Variants in NTM observed in about 807,000 individuals in gnomAD.
NTM encodes neurotrimin.
NTM carries 13 observed loss-of-function variants against 42.1 expected under a neutral mutation model. The observed-to-expected ratio is 0.31, with a 90% CI of 0.20 to 0.49. The LOEUF is 0.49. NTM is among the 20% of genes least tolerant of loss of function. The pLI is 0.99. For synonymous variants in NTM, 187 were observed against 179.2 expected (o/e 1.04, Z -0.35); for missense variants, 373 against 452.8 (o/e 0.82, Z 1.60).
At chr11:132,274,638 C>G (rs1243080290) in intron 4 of NTM, among the ~76,000 whole-genome samples, 1 of 152,098 alleles carries the variant, frequency 6.6e-6, no homozygotes, top group Non-Finnish European at 1.5e-5. Context: ...AACATACTTT[C>G]TATGATTTCA....
intron 1 of NTM, among the ~76,000 whole-genome samples, chr11:131,684,355 C>T (rs1404480466): frequency 6.6e-6 from 1 of 152,192 alleles, no homozygotes; most frequent in African/African-American, 2.4e-5. Context: ...CACACACCCC[C>T]TCCCCACCTG....
chr11:131,629,473 C>A (rs756651865), intron 1 of NTM, among the ~76,000 whole-genome samples: 17 of 152,158 alleles, frequency 1.1e-4, no homozygotes, highest in Non-Finnish European at 1.8e-4. Flanking sequence ...ACAGAACAGG[C>A]AGCTATATGG....
chr11:131,683,617 T>G (rs1388206489), intron 1 of NTM, among the ~76,000 whole-genome samples: 1 of 152,238 alleles, frequency 6.6e-6, no homozygotes, highest in East Asian at 1.9e-4. Flanking sequence ...GTATTCACAC[T>G]AAACCTGCCC....
At chr11:131,862,524 T>C (rs1299249043) in intron 1 of NTM, among the ~76,000 whole-genome samples, 1 of 152,250 alleles carries the variant, frequency 6.6e-6, no homozygotes, top group African/African-American at 2.4e-5. Context: ...AATTGCCTAG[T>C]TGTTATGTAT....
chr11:131,892,178 C>T (rs951402462), intron 1 of NTM, among the ~76,000 whole-genome samples: 3 of 152,136 alleles, frequency 2.0e-5, no homozygotes, highest in Admixed American at 1.3e-4. Flanking sequence ...CCTTCTCCTC[C>T]GCCTTCTTCT....
chr11:131,898,283 G>A (rs564170539), intron 1 of NTM, among the ~76,000 whole-genome samples: 30 of 152,322 alleles, frequency 2.0e-4, no homozygotes, highest in Admixed American at 7.8e-4. Flanking sequence ...AACCAGTGCT[G>A]ATGTCTGCCT....
chr11:132,111,061 CTCAAAAAAAAAAAAAAAAAAAAA>C, intron 2 of NTM, among the ~76,000 whole-genome samples: 2 of 56,272 alleles, frequency 3.6e-5, no homozygotes, highest in South Asian at 8.4e-4. Flanking sequence ...AAGGCCCTAT[CTCAAAAAAAAAAAAAAAAAAAAA>C]AAAAAAAAAA....
chr11:131,728,677 T>C (rs789549), intron 1 of NTM, among the ~76,000 whole-genome samples: 24,744 of 152,146 alleles, frequency 0.16, 2,119 homozygotes, highest in Middle Eastern at 0.22. Flanking sequence ...ATTTTTCAAA[T>C]TCGAAAAATT....
chr11:131,641,345 A>C (rs2134229077), intron 1 of NTM, among the ~76,000 whole-genome samples: 1 of 152,216 alleles, frequency 6.6e-6, no homozygotes, highest in South Asian at 2.1e-4. Flanking sequence ...AAAAGAGGGG[A>C]GTTAGACTAC....
At chr11:132,226,178 G>T (rs1412254603) in intron 4 of NTM, among the ~76,000 whole-genome samples, 1 of 152,178 alleles carries the variant, frequency 6.6e-6, no homozygotes, top group African/African-American at 2.4e-5. Context: ...ACATACAAGT[G>T]CATGTGTCTT....
At chr11:131,798,479 A>G (rs1292770359) in intron 1 of NTM, among the ~76,000 whole-genome samples, 1 of 152,230 alleles carries the variant, frequency 6.6e-6, no homozygotes, top group Admixed American at 6.5e-5. Context: ...AAGCCTGACT[A>G]CAAAGCAGAT....
intron 1 of NTM, among the ~76,000 whole-genome samples, chr11:131,562,960 G>T (rs1363218746): frequency 6.6e-6 from 1 of 152,112 alleles, no homozygotes; most frequent in African/African-American, 2.4e-5. Flanking sequence ...GCCCTCCATG[G>T]CCCCAGGGGG....
chr11:132,178,238 CT>C (rs1181046045), intron 3 of NTM, among the ~76,000 whole-genome samples: 42 of 152,058 alleles, frequency 2.8e-4, no homozygotes, highest in Non-Finnish European at 1.0e-4. Context: ...GGGCTTATTG[CT>C]TGATGAAACA....
rs530856777 is a variant in NTM, at chr11:132,015,323, G to A, written c.167+103675G>A. 7.2e-5 allele frequency among the ~76,000 whole-genome samples: 11 copies of A among 151,954 alleles called. No individual in the cohort carries two copies. In the South Asian group the frequency reaches 1.7e-3, roughly 23 times the overall value. On this transcript the variant is annotated intron_variant, in intron 2 of 8. Transcript: ENST00000683400. ...TTTAATATATTTTGAGTCCAGTAGC[G>A]TAATGCCTCTGCTTTGTTCTTTTTG... is the stretch of plus-strand genomic sequence containing the variant.
intron 1 of NTM, among the ~76,000 whole-genome samples, chr11:131,735,434 A>G (rs541064677): frequency 6.6e-6 from 1 of 152,342 alleles, no homozygotes; most frequent in South Asian, 2.1e-4. Context: ...TGCAATAGAG[A>G]AGTGACAGTC....
intron 1 of NTM, among the ~76,000 whole-genome samples, chr11:131,762,118 T>TA: frequency 6.6e-6 from 1 of 152,328 alleles, no homozygotes; most frequent in African/African-American, 2.4e-5. Flanking sequence ...GGCGGACTAA[T>TA]ACACCAGGTT....
chr11:132,296,385 C>T (rs2094610332), intron 4 of NTM, among the ~76,000 whole-genome samples: 2 of 152,218 alleles, frequency 1.3e-5, no homozygotes, highest in South Asian at 4.1e-4. Context: ...ATGTCCCAAA[C>T]TTTTCCTATA....
intron 2 of NTM, among the ~76,000 whole-genome samples, chr11:131,997,979 C>A (rs971318362): frequency 6.6e-6 from 1 of 152,080 alleles, no homozygotes; most frequent in Non-Finnish European, 1.5e-5. Flanking sequence ...CCTCCCCTCA[C>A]TCCCTGGTTC....
intron 1 of NTM, among the ~76,000 whole-genome samples, chr11:131,505,597 C>T (rs1247554531): frequency 6.6e-6 from 1 of 152,192 alleles, no homozygotes; most frequent in Non-Finnish European, 1.5e-5. Context: ...CAGCAGGCAG[C>T]TGGCAAATCT....
Sources: allele counts gnomAD v4.1 joint callset (sites outside exome capture counted in the v4.1 genomes callset), GRCh38; gene constraint gnomAD v4.1.1; transcripts MANE v1.5; gene names NCBI Gene and HGNC (gene_info 2026-07-23, HGNC 2026-07-21).